Variants in DUSP13A observed in about 807,000 individuals in gnomAD.
DUSP13A encodes the protein dual specificity phosphatase 13A.
the DUSP13A span, chr10:75,109,103 G>C: frequency 1.2e-6 from 2 of 1,611,908 alleles, no homozygotes. Context: ...AGGATGCTGG[G>C]GCAAGGCGTG....
chr10:75,105,894 C>A, the DUSP13A span: 1 of 1,540,842 alleles, frequency 6.5e-7, no homozygotes, highest in South Asian at 1.2e-5. Flanking sequence ...TGGTGAAAAA[C>A]CCTGTCCCAC....
the DUSP13A span, chr10:75,105,928 G>T: frequency 6.7e-7 from 1 of 1,489,706 alleles, no homozygotes; most frequent in East Asian, 2.5e-5. Context: ...CACGGGCTGG[G>T]ATGGGGACCC....
chr10:75,105,807 G>A, the DUSP13A span: 1 of 1,551,042 alleles, frequency 6.4e-7, no homozygotes, highest in East Asian at 2.4e-5. Flanking sequence ...GCAGCATGAG[G>A]TAGGCCAGGA....
At chr10:75,108,080 C>A in the DUSP13A span, 1 of 1,613,894 alleles carries the variant, frequency 6.2e-7, no homozygotes, top group Non-Finnish European at 8.5e-7. Context: ...CGTGGGCTGG[C>A]ACCCCCAGGT....
At chr10:75,108,504 C>G in the DUSP13A span, among the ~76,000 whole-genome samples, 1 of 152,194 alleles carries the variant, frequency 6.6e-6, no homozygotes, top group Non-Finnish European at 1.5e-5. Flanking sequence ...GCCCTGGAAC[C>G]TGGCTGCCCC....
the DUSP13A span, chr10:75,108,220 C>A: frequency 6.3e-7 from 1 of 1,585,264 alleles, no homozygotes; most frequent in Admixed American, 1.7e-5. Flanking sequence ...CTGGGGAGGG[C>A]AGGAAGGGCA....
chr10:75,108,351 A>G, the DUSP13A span: 5 of 1,413,938 alleles, frequency 3.5e-6, no homozygotes, highest in Non-Finnish European at 4.6e-6. Flanking sequence ...GTGGGGTCTG[A>G]CTCCACAGCC....
At chr10:75,108,297 G>GCT in the DUSP13A span, 98 of 1,503,040 alleles carry the variant, frequency 6.5e-5, 1 homozygote, top group South Asian at 1.2e-3. Context: ...CAGAGGGACC[G>GCT]AGCCATTAGG....
At chr10:75,108,184 G>C in the DUSP13A span, 2 of 1,608,692 alleles carry the variant, frequency 1.2e-6, no homozygotes, top group Non-Finnish European at 1.7e-6. Context: ...AGCTTCCACA[G>C]CTCAAAGCGG....
chr10:75,105,729 T>C, the DUSP13A span: 19 of 1,554,340 alleles, frequency 1.2e-5, no homozygotes, highest in African/African-American at 2.2e-4. Flanking sequence ...GCAGGAAGCC[T>C]CGGTTGGGGA....
chr10:75,105,737 G>T, the DUSP13A span: 1 of 1,554,686 alleles, frequency 6.4e-7, no homozygotes, highest in East Asian at 2.4e-5. Context: ...CCTCGGTTGG[G>T]GAAGACCCAT....
At chr10:75,105,912 C>T in the DUSP13A span, 3 of 1,526,718 alleles carry the variant, frequency 2.0e-6, no homozygotes, top group East Asian at 7.4e-5. Flanking sequence ...CACACACCGG[C>T]CCACCCACGG....
At chr10:75,108,737 C>T in the DUSP13A span, among the ~76,000 whole-genome samples, 2 of 152,176 alleles carry the variant, frequency 1.3e-5, no homozygotes, top group African/African-American at 4.8e-5. Context: ...GGGCCTCTGC[C>T]TCTACACTTG....
chr10:75,108,189 A>C, the DUSP13A span: 4 of 1,607,748 alleles, frequency 2.5e-6, no homozygotes, highest in South Asian at 2.2e-5. Context: ...CCACAGCTCA[A>C]AGCGGTTGTT....
chr10:75,109,104 G>A, the DUSP13A span: 106 of 1,611,868 alleles, frequency 6.6e-5, 1 homozygote, highest in Non-Finnish European at 1.6e-5. Context: ...GGATGCTGGG[G>A]CAAGGCGTGG....
the DUSP13A span, among the ~76,000 whole-genome samples, chr10:75,108,503 C>T: frequency 6.6e-6 from 1 of 152,184 alleles, no homozygotes; most frequent in Non-Finnish European, 1.5e-5. Flanking sequence ...AGCCCTGGAA[C>T]CTGGCTGCCC....
the DUSP13A span, among the ~76,000 whole-genome samples, chr10:75,106,466 A>AC: frequency 8.0e-4 from 122 of 152,260 alleles, no homozygotes; most frequent in South Asian, 7.7e-3. Flanking sequence ...TTTGGCTGAG[A>AC]CACGGCTTCC....
chr10:75,108,593 T>C, the DUSP13A span, among the ~76,000 whole-genome samples: 44 of 152,082 alleles, frequency 2.9e-4, no homozygotes, highest in Non-Finnish European at 5.4e-4. Context: ...AACCTACAAA[T>C]GTTTAGAGGC....
the DUSP13A span, among the ~76,000 whole-genome samples, chr10:75,107,659 C>T: frequency 6.6e-6 from 1 of 152,042 alleles, no homozygotes; most frequent in African/African-American, 2.4e-5. Context: ...TCACTGCAAC[C>T]TCCGCCCCCC....
Sources: allele counts gnomAD v4.1 joint callset (sites outside exome capture counted in the v4.1 genomes callset), GRCh38; gene constraint gnomAD v4.1.1; transcripts MANE v1.5; gene names NCBI Gene and HGNC (gene_info 2026-07-23, HGNC 2026-07-21).